Variants in GRIN2B observed in about 807,000 individuals in gnomAD.
GRIN2B encodes the protein glutamate receptor ionotropic, NMDA 2B.
Under a neutral mutation model 114.5 loss-of-function variants are expected in GRIN2B, and 5 were observed. The ratio of observed to expected loss-of-function variants is 0.04; its 90% CI spans 0.02 to 0.09. The LOEUF (loss-of-function observed/expected upper bound fraction) is 0.09, where lower values mean the gene tolerates loss of function less well. GRIN2B is among the 10% of genes least tolerant of loss of function. The pLI is 1.00. For synonymous variants in GRIN2B, 787 were observed against 745.1 expected (o/e 1.06, Z -0.92); for missense variants, 1,108 against 1,943.5 (o/e 0.57, Z 8.08).
chr12:13,840,785 T>C (rs1275157136), intron 3 of GRIN2B, among the ~76,000 whole-genome samples: 1 of 152,046 alleles, frequency 6.6e-6, no homozygotes, highest in Admixed American at 6.5e-5. Context: ...GTATGCTACA[T>C]TCTCTGAGTT....
intron 10 of GRIN2B, among the ~76,000 whole-genome samples, chr12:13,608,217 G>A (rs1299812754): frequency 6.6e-6 from 1 of 152,188 alleles, no homozygotes; most frequent in Non-Finnish European, 1.5e-5. Flanking sequence ...GGGAAGAAAA[G>A]GAGGCCATCA....
At chr12:13,855,681 G>C (rs1865648708) in intron 3 of GRIN2B, among the ~76,000 whole-genome samples, 1 of 151,990 alleles carries the variant, frequency 6.6e-6, no homozygotes, top group Non-Finnish European at 1.5e-5. Flanking sequence ...GTCTTATAAG[G>C]ACATTTGTCA....
intron 3 of GRIN2B, among the ~76,000 whole-genome samples, chr12:13,834,905 C>T (rs2268132): frequency 6.6e-6 from 1 of 152,028 alleles, no homozygotes; most frequent in Non-Finnish European, 1.5e-5. Context: ...ATGGGAGCGA[C>T]CCAGGCATCT....
intron 9 of GRIN2B, chr12:13,609,882 C>T (rs1383306833): frequency 6.6e-6 from 1 of 152,238 alleles, no homozygotes; most frequent in Non-Finnish European, 1.5e-5. Flanking sequence ...CTTTGATTTC[C>T]CCCCACCTAA....
chr12:13,952,095 G>A (rs1867492740), intron 2 of GRIN2B, among the ~76,000 whole-genome samples: 1 of 151,932 alleles, frequency 6.6e-6, no homozygotes, highest in Admixed American at 6.6e-5. Context: ...GAAGAAAGAA[G>A]TCAACGTGTA....
At chr12:13,679,018 G>A (rs1414408229) in intron 4 of GRIN2B, among the ~76,000 whole-genome samples, 1 of 150,568 alleles carries the variant, frequency 6.6e-6, no homozygotes, top group Non-Finnish European at 1.5e-5. Flanking sequence ...GAAGGAAAAA[G>A]GAAGAAAAGG....
chr12:13,952,813 A>G (rs190956442), intron 2 of GRIN2B, among the ~76,000 whole-genome samples: 1 of 152,096 alleles, frequency 6.6e-6, no homozygotes, highest in East Asian at 1.9e-4. Flanking sequence ...AATGAACACA[A>G]CATATTAGAC....
At chr12:13,831,511 T>C (rs1009139766) in intron 3 of GRIN2B, among the ~76,000 whole-genome samples, 25 of 152,072 alleles carry the variant, frequency 1.6e-4, no homozygotes, top group African/African-American at 9.7e-5. Flanking sequence ...CCAAGGGCTA[T>C]GGAGAGGGAG....
chr12:13,813,845 A>G (rs1166128245), intron 3 of GRIN2B, among the ~76,000 whole-genome samples: 1 of 152,178 alleles, frequency 6.6e-6, no homozygotes, highest in Non-Finnish European at 1.5e-5. Flanking sequence ...ACCCGTCTTG[A>G]GTTGCTTTCT....
chr12:13,567,309 G>T, intron 12 of GRIN2B, 46 bp from the exon 13 acceptor site: 1 of 1,367,942 alleles, frequency 7.3e-7, no homozygotes, highest in Non-Finnish European at 1.0e-6. Flanking sequence ...GAGGAGACAG[G>T]AAAGGAGCAG....
intron 3 of GRIN2B, among the ~76,000 whole-genome samples, chr12:13,813,470 A>G (rs1864769736): frequency 6.6e-6 from 1 of 152,192 alleles, no homozygotes; most frequent in Admixed American, 6.5e-5. Flanking sequence ...TGAGGAGAAA[A>G]TGTTTGTTGG....
intron 10 of GRIN2B, among the ~76,000 whole-genome samples, chr12:13,574,060 G>C (rs1399406438): frequency 2.6e-5 from 4 of 152,082 alleles, no homozygotes; most frequent in African/African-American, 4.8e-5. Context: ...CAGCCAAATG[G>C]GCCACTCAGG....
At chr12:13,755,330 T>C (rs1240801749) in intron 3 of GRIN2B, among the ~76,000 whole-genome samples, 1 of 152,232 alleles carries the variant, frequency 6.6e-6, no homozygotes, top group East Asian at 1.9e-4. Flanking sequence ...AAATCCTGAT[T>C]CGGCAATGAG....
intron 2 of GRIN2B, among the ~76,000 whole-genome samples, chr12:13,923,171 A>G (rs1866851841): frequency 6.6e-6 from 1 of 152,134 alleles, no homozygotes; most frequent in South Asian, 2.1e-4. Flanking sequence ...CTTCTACTAA[A>G]TCTAGGGTAT....
At chr12:13,638,572 T>G (rs1234814119) in intron 5 of GRIN2B, among the ~76,000 whole-genome samples, 3 of 152,104 alleles carry the variant, frequency 2.0e-5, no homozygotes, top group Non-Finnish European at 2.9e-5. Flanking sequence ...CATCTGGTAC[T>G]CAAAACACAA....
At chr12:13,916,757 G>GTGTA (rs1866737807) in intron 2 of GRIN2B, among the ~76,000 whole-genome samples, 1 of 149,218 alleles carries the variant, frequency 6.7e-6, no homozygotes, top group African/African-American at 2.5e-5. Flanking sequence ...GTGTGTGTGT[G>GTGTA]TGTATTTTAA....
At chr12:13,809,790 C>T (rs527242890) in intron 3 of GRIN2B, among the ~76,000 whole-genome samples, 1 of 152,274 alleles carries the variant, frequency 6.6e-6, no homozygotes, top group East Asian at 1.9e-4. Context: ...CACTTTTGTT[C>T]CCCCACTCCC....
chr12:13,810,010 G>A (rs961007455), intron 3 of GRIN2B, among the ~76,000 whole-genome samples: 2 of 152,000 alleles, frequency 1.3e-5, no homozygotes, highest in African/African-American at 4.8e-5. Flanking sequence ...TTCCTGCTTA[G>A]GGGTTCTCTG....
intron 2 of GRIN2B, among the ~76,000 whole-genome samples, chr12:13,940,102 A>C: frequency 6.6e-6 from 1 of 152,172 alleles, no homozygotes; most frequent in East Asian, 1.9e-4. Flanking sequence ...AATTTTTACC[A>C]GTCCACTGAG....
Sources: gnomAD v4.1 joint callset for allele counts (sites outside exome capture counted in the v4.1 genomes callset) on GRCh38, gnomAD v4.1.1 for gene constraint, MANE v1.5 for transcripts, NCBI Gene and HGNC (gene_info 2026-07-23, HGNC 2026-07-21) for gene names.